MYOZ2: variants seen among roughly 807,000 people sequenced by gnomAD.
MYOZ2 encodes myozenin 2.
In MYOZ2, 19 loss-of-function variants were observed where a neutral mutation model predicts 25.4. The observed-to-expected ratio is 0.75, with a 90% confidence interval of 0.52 to 1.10. MYOZ2 has a LOEUF of 1.10. Among genes scored for constraint, MYOZ2 ranks in the 50% least tolerant of loss-of-function variants. The pLI is 0.00. For missense variants in MYOZ2, 270 were observed against 317.9 expected (o/e 0.85, Z 1.15); for synonymous variants, 92 against 106.9 (o/e 0.86, Z 0.86).
intron 4 of MYOZ2, among the ~76,000 whole-genome samples, chr4:119,159,412 A>G (rs935735604): frequency 2.6e-5 from 4 of 152,194 alleles, no homozygotes; most frequent in Non-Finnish European, 4.4e-5. Context: ...TAAAGAGTAT[A>G]CATTTGTTTA....
chr4:119,139,065 A>G (rs1249433739), intron 2 of MYOZ2, among the ~76,000 whole-genome samples: 1 of 152,188 alleles, frequency 6.6e-6, no homozygotes, highest in Non-Finnish European at 1.5e-5. Context: ...CCCAGCCTCC[A>G]CTAATCACAA....
At chr4:119,175,786 G>C (rs1236495192) in intron 5 of MYOZ2, among the ~76,000 whole-genome samples, 1 of 151,792 alleles carries the variant, frequency 6.6e-6, no homozygotes, top group Non-Finnish European at 1.5e-5. Context: ...TAGTGGTTGT[G>C]TGACCTGTGC....
intron 5 of MYOZ2, among the ~76,000 whole-genome samples, chr4:119,178,492 A>G (rs966499751): frequency 2.6e-5 from 4 of 152,228 alleles, no homozygotes; most frequent in South Asian, 4.1e-4. Context: ...GCCCCATCTC[A>G]GTAAATTGCA....
chr4:119,151,400 G>A (rs967833966), intron 3 of MYOZ2, among the ~76,000 whole-genome samples: 2 of 152,054 alleles, frequency 1.3e-5, no homozygotes, highest in Non-Finnish European at 2.9e-5. Context: ...AGCACATAGC[G>A]CTCCACAGGC....
chr4:119,180,114 A>G lies in MYOZ2; in HGVS notation c.561-5852A>G, dbSNP rs80010156. ...GGGGAATCATGTGCTGTGTATGTCA[A>G]GTAATTTACCTTTGATCAAGGTGGT... On this transcript the variant is annotated intron_variant, in intron 5 of 5. Coordinates refer to ENST00000307128, the MANE Select transcript of MYOZ2 (RefSeq NM_016599.5). Among the ~76,000 whole-genome samples, 1,258 of 152,316 alleles carry G rather than the reference A, an allele frequency of 8.3e-3. 17 individuals are homozygous for G. The highest frequency in any genetic ancestry group is 0.028 in the African/African-American group (1,184 of 41,566).
chr4:119,151,660 T>C (rs1741452470), intron 3 of MYOZ2, among the ~76,000 whole-genome samples: 1 of 152,174 alleles, frequency 6.6e-6, no homozygotes, highest in Non-Finnish European at 1.5e-5. Context: ...TAAACTGTCA[T>C]TTAAAGAGAC....
chr4:119,154,176 C>A (rs917557478), intron 3 of MYOZ2, among the ~76,000 whole-genome samples: 2 of 152,106 alleles, frequency 1.3e-5, no homozygotes, highest in African/African-American at 4.8e-5. Flanking sequence ...ATGTATGTGG[C>A]ACAAAGCATA....
chr4:119,152,001 T>C lies in MYOZ2; in HGVS notation c.246+960T>C, dbSNP rs1261659745. On this transcript the variant is annotated intron_variant, in intron 3 of 5. Transcript: ENST00000307128. ...AAAACACACTATAGAAACTAATATC[T>C]ACATCCACAAACACCAAAATTTTGT... Among the ~76,000 whole-genome samples the C allele has an allele frequency of 2.0e-5, 3 of 152,300 alleles. No homozygotes were observed. The East Asian group carries it at 5.8e-4, about 29-fold the overall frequency.
At chr4:119,155,165 TG>T (rs1741546026) in intron 3 of MYOZ2, among the ~76,000 whole-genome samples, 1 of 152,134 alleles carries the variant, frequency 6.6e-6, no homozygotes, top group Non-Finnish European at 1.5e-5. Context: ...AACTAATTAC[TG>T]CGAGGATGGC....
intron 2 of MYOZ2, among the ~76,000 whole-genome samples, chr4:119,150,359 C>T (rs192399640): frequency 6.6e-6 from 1 of 151,938 alleles, no homozygotes; most frequent in Non-Finnish European, 1.5e-5. Context: ...TCACTCAATA[C>T]TTATCATCTG....
intron 5 of MYOZ2, among the ~76,000 whole-genome samples, chr4:119,165,816 C>T (rs192439837): frequency 1.3e-5 from 2 of 152,222 alleles, no homozygotes; most frequent in East Asian, 1.9e-4. Flanking sequence ...TGTAAGACTT[C>T]TCTGTATCTT....
intron 5 of MYOZ2, among the ~76,000 whole-genome samples, chr4:119,165,584 TTATTAGTAA>T (rs1381690482): frequency 6.6e-6 from 1 of 152,104 alleles, no homozygotes; most frequent in Admixed American, 6.6e-5. Context: ...CACACTACCA[TTATTAGTAA>T]TGCATCCCTT....
In MYOZ2 at chr4:119,136,549, G is replaced by A. The variant is rs1485580734; in HGVS notation, c.24G>A (p.Met8Ile). 1.2e-6 allele frequency: 2 copies of A among 1,613,628 alleles called. No individual in the cohort carries two copies. The highest frequency in any genetic ancestry group is 1.7e-6 in the Non-Finnish European group (2 of 1,179,646). The change falls in exon 2 of 6, where the codon ATG (methionine) becomes ATA (isoleucine). Residue 8 changes from methionine to isoleucine, a missense_variant. Coordinates refer to ENST00000307128, the MANE Select transcript of MYOZ2 (RefSeq NM_016599.5). MLSHNTM[M>I]KQRKQQATAI... ...CCATGCTATCACATAATACTATGAT[G>A]AAGCAGAGAAAACAGCAAGCAACAG...
chr4:119,139,616 A>T (rs1371641647), intron 2 of MYOZ2, among the ~76,000 whole-genome samples: 1 of 152,208 alleles, frequency 6.6e-6, no homozygotes, highest in East Asian at 1.9e-4. Context: ...GAGATGGGGC[A>T]ATCAGAATGA....
chr4:119,173,627 C>T (rs1221239587), intron 5 of MYOZ2, among the ~76,000 whole-genome samples: 1 of 152,230 alleles, frequency 6.6e-6, no homozygotes, highest in East Asian at 1.9e-4. Context: ...TGGCAGTCCT[C>T]ACAGCCCTCG....
At chr4:119,167,916 T>G (rs537063110) in intron 5 of MYOZ2, among the ~76,000 whole-genome samples, 1 of 152,356 alleles carries the variant, frequency 6.6e-6, no homozygotes, top group East Asian at 1.9e-4. Flanking sequence ...TACTCTTTAT[T>G]GACAACGAAC....
chr4:119,145,363 G>A (rs1260485670), intron 2 of MYOZ2, among the ~76,000 whole-genome samples: 4 of 65,546 alleles, frequency 6.1e-5, no homozygotes, highest in Middle Eastern at 9.6e-3. Context: ...TTTTTTTTTT[G>A]AGATAGGGTC....
chr4:119,141,256 T>A (rs996001980), intron 2 of MYOZ2, among the ~76,000 whole-genome samples: 1 of 152,230 alleles, frequency 6.6e-6, no homozygotes, highest in Admixed American at 6.5e-5. Context: ...AGGTCTTTTG[T>A]CGTACTACAA....
chr4:119,144,885 C>T (rs1741250757), intron 2 of MYOZ2, among the ~76,000 whole-genome samples: 1 of 152,172 alleles, frequency 6.6e-6, no homozygotes, highest in Non-Finnish European at 1.5e-5. Context: ...GTTTCCCATT[C>T]TGTAGCTTGT....
Sources: allele counts gnomAD v4.1 joint callset (sites outside exome capture counted in the v4.1 genomes callset), GRCh38; gene constraint gnomAD v4.1.1; transcripts MANE v1.5; gene names NCBI Gene and HGNC (gene_info 2026-07-23, HGNC 2026-07-21).